The following SOCS6 variants were observed in gnomAD, a reference collection of about 807,000 sequenced individuals.
SOCS6 encodes the protein STAT induced STAT inhibitor-4.
SOCS6 carries 5 observed loss-of-function variants against 27.7 expected under a neutral mutation model. The ratio of observed to expected loss-of-function variants is 0.18; its 90% CI spans 0.09 to 0.38. The LOEUF (loss-of-function observed/expected upper bound fraction) is 0.38. SOCS6 is among the 10% of genes least tolerant of loss of function. The pLI, the probability that SOCS6 is intolerant of heterozygous loss-of-function variation, is 1.00. For synonymous variants in SOCS6, 271 were observed against 260.0 expected, an observed-to-expected ratio of 1.04 and a Z score of -0.41; for missense variants, 595 against 688.1, an observed-to-expected ratio of 0.86 and a Z score of 1.51.
chr18:70,295,428 A>G (rs1169094688), intron 1 of SOCS6, among the ~76,000 whole-genome samples: 1 of 152,180 alleles, frequency 6.6e-6, no homozygotes, highest in Non-Finnish European at 1.5e-5. Context: ...AGTCAGATGA[A>G]TTCTTACTGG....
intron 1 of SOCS6, among the ~76,000 whole-genome samples, chr18:70,309,227 T>G (rs2062380680): frequency 6.6e-6 from 1 of 152,212 alleles, no homozygotes; most frequent in African/African-American, 2.4e-5. Context: ...ATTTGTCACT[T>G]TTTTGTTTTT....
chr18:70,311,229 T>G (rs144867835), intron 1 of SOCS6, among the ~76,000 whole-genome samples: 1 of 152,176 alleles, frequency 6.6e-6, no homozygotes, highest in Non-Finnish European at 1.5e-5. Context: ...GGTAATGAGT[T>G]CATCTTTCAT....
chr18:70,295,480 T>C (rs1157830603), intron 1 of SOCS6, among the ~76,000 whole-genome samples: 4 of 152,226 alleles, frequency 2.6e-5, no homozygotes, highest in Non-Finnish European at 4.4e-5. Flanking sequence ...TTAAAGTTTG[T>C]TGTGATGTGT....
intron 1 of SOCS6, among the ~76,000 whole-genome samples, chr18:70,317,141 G>T (rs1352014000): frequency 6.6e-6 from 1 of 152,014 alleles, no homozygotes; most frequent in African/African-American, 2.4e-5. Flanking sequence ...TGAGATTTGG[G>T]TTCAGCCATC....
intron 1 of SOCS6, among the ~76,000 whole-genome samples, chr18:70,318,821 A>G (rs1385364768): frequency 6.6e-6 from 1 of 152,112 alleles, no homozygotes; most frequent in East Asian, 1.9e-4. Flanking sequence ...CTATAATCCC[A>G]GCTACTCAGG....
chr18:70,305,767 C>G (rs1459451651), intron 1 of SOCS6, among the ~76,000 whole-genome samples: 1 of 152,148 alleles, frequency 6.6e-6, no homozygotes, highest in African/African-American at 2.4e-5. Context: ...GAATCTTGTA[C>G]TACATGTGTT....
chr18:70,291,493 T>C (rs917797110), intron 1 of SOCS6, among the ~76,000 whole-genome samples: 1 of 152,192 alleles, frequency 6.6e-6, no homozygotes, highest in African/African-American at 2.4e-5. Flanking sequence ...CAGGAAACTT[T>C]TGGGTTATTG....
At chr18:70,308,148 A>C (rs1384819045) in intron 1 of SOCS6, among the ~76,000 whole-genome samples, 1 of 152,146 alleles carries the variant, frequency 6.6e-6, no homozygotes, top group Non-Finnish European at 1.5e-5. Context: ...TCTGTTGTAG[A>C]TATATCATTA....
chr18:70,312,771 A>T (rs1300573987), intron 1 of SOCS6, among the ~76,000 whole-genome samples: 8 of 121,960 alleles, frequency 6.6e-5, no homozygotes, highest in African/African-American at 1.2e-4. Context: ...AATTCTTTGG[A>T]TTTTTTTTTT....
chr18:70,324,520 C>T, intron 1 of SOCS6, 23 bp from the exon 2 acceptor site: 1 of 586,158 alleles, frequency 1.7e-6, no homozygotes, highest in Admixed American at 3.1e-5. Flanking sequence ...TAATATGACT[C>T]TTTTTATATT....
chr18:70,297,834 G>A (rs796611094), intron 1 of SOCS6, among the ~76,000 whole-genome samples: 8 of 152,226 alleles, frequency 5.3e-5, no homozygotes, highest in African/African-American at 1.9e-4. Flanking sequence ...ATTACTTTTT[G>A]TTCCCCAAAT....
chr18:70,290,120 A>G (rs2062292360), intron 1 of SOCS6, among the ~76,000 whole-genome samples: 1 of 152,352 alleles, frequency 6.6e-6, no homozygotes, highest in African/African-American at 2.4e-5. Flanking sequence ...CTGCCCGGAT[A>G]AGGCAGCATG....
intron 1 of SOCS6, among the ~76,000 whole-genome samples, chr18:70,314,752 A>G (rs2062404797): frequency 6.6e-6 from 1 of 151,964 alleles, no homozygotes; most frequent in Admixed American, 6.6e-5. Flanking sequence ...ATTTATATTT[A>G]TTTCTTGTCT....
At chr18:70,289,824 A>G (rs1437253760) in intron 1 of SOCS6, among the ~76,000 whole-genome samples, 1 of 152,188 alleles carries the variant, frequency 6.6e-6, no homozygotes, top group African/African-American at 2.4e-5. Context: ...TGGGACCGAC[A>G]CGGGCCTGAA....
chr18:70,298,293 A>G (rs1334022902), intron 1 of SOCS6, among the ~76,000 whole-genome samples: 2 of 152,184 alleles, frequency 1.3e-5, no homozygotes, highest in Non-Finnish European at 2.9e-5. Flanking sequence ...TCATGAGGTC[A>G]TTCTTTTTCA....
intron 1 of SOCS6, among the ~76,000 whole-genome samples, chr18:70,309,024 G>C (rs1234010064): frequency 6.6e-6 from 1 of 152,156 alleles, no homozygotes; most frequent in Admixed American, 6.5e-5. Flanking sequence ...TTTTTGAGTA[G>C]AGTGACATCA....
intron 1 of SOCS6, among the ~76,000 whole-genome samples, chr18:70,323,873 G>A (rs1343265806): frequency 2.6e-5 from 4 of 152,146 alleles, no homozygotes; most frequent in Non-Finnish European, 4.4e-5. Context: ...AGGAGCAGTC[G>A]GAGTCAGTGC....
chr18:70,307,283 C>G (rs1032990959), intron 1 of SOCS6, among the ~76,000 whole-genome samples: 2 of 152,102 alleles, frequency 1.3e-5, no homozygotes, highest in Non-Finnish European at 2.9e-5. Flanking sequence ...AAGAATTTTT[C>G]TATCAGTGTT....
intron 1 of SOCS6, among the ~76,000 whole-genome samples, chr18:70,301,060 G>A (rs559636893): frequency 6.6e-6 from 1 of 152,306 alleles, no homozygotes; most frequent in South Asian, 2.1e-4. Context: ...TTGCCGAGAA[G>A]TGTGAAATGT....
Sources: gnomAD v4.1 joint callset for allele counts (sites outside exome capture counted in the v4.1 genomes callset) on GRCh38, gnomAD v4.1.1 for gene constraint, MANE v1.5 for transcripts, NCBI Gene and HGNC (gene_info 2026-07-23, HGNC 2026-07-21) for gene names.